NPLOC4: variants seen among roughly 807,000 people sequenced by gnomAD.
NPLOC4 encodes the protein NPL4 homolog, ubiquitin recognition factor.
NPLOC4 carries 18 observed loss-of-function variants against 80.6 expected under a neutral mutation model. The observed-to-expected ratio is 0.22, with a 90% CI of 0.15 to 0.33. NPLOC4 has a LOEUF of 0.33. Ranked by LOEUF, NPLOC4 falls within the 10% of genes least tolerant of loss-of-function variation. The probability of loss-of-function intolerance (pLI) is 1.00; values close to 1 mark genes in which losing one functional copy is unlikely to be tolerated. For synonymous variants in NPLOC4, 313 were observed against 301.5 expected, an observed-to-expected ratio of 1.04 and a Z score of -0.39; for missense variants, 540 against 786.1, an observed-to-expected ratio of 0.69 and a Z score of 3.74.
chr17:81,563,949 T>A, intron 16 of NPLOC4: 4 of 454,506 alleles, frequency 8.8e-6, no homozygotes, highest in South Asian at 6.2e-5. Context: ...GGTGTGGTGG[T>A]ACACATCTGT....
At chr17:81,619,409 C>T (rs1341214182) in intron 3 of NPLOC4, among the ~76,000 whole-genome samples, 3 of 151,260 alleles carry the variant, frequency 2.0e-5, no homozygotes, top group Non-Finnish European at 4.4e-5. Context: ...ATTAGCCGGG[C>T]GTGGTGGCAC....
At chr17:81,622,415 T>G (rs2035693422) in intron 2 of NPLOC4, 137 bp from the exon 3 acceptor site, 2 of 696,846 alleles carry the variant, frequency 2.9e-6, no homozygotes, top group Non-Finnish European at 5.0e-6. Flanking sequence ...CCTCTTGCTA[T>G]TTTGCTCTTT....
chr17:81,613,901 G>A (rs1185064511), intron 3 of NPLOC4, among the ~76,000 whole-genome samples: 1 of 151,918 alleles, frequency 6.6e-6, no homozygotes, highest in Non-Finnish European at 1.5e-5. Context: ...TGCATGTGCT[G>A]GTTGCATGTA....
chr17:81,561,426 C>T (rs1356765647), intron 16 of NPLOC4, among the ~76,000 whole-genome samples: 2 of 152,146 alleles, frequency 1.3e-5, no homozygotes, highest in Non-Finnish European at 2.9e-5. Context: ...TCTAACAGTG[C>T]CCTGTGATGA....
At position 81,622,253 on chromosome 17, in the gene NPLOC4, T is replaced by C; in HGVS notation, c.122A>G (p.Asn41Ser). The C allele has an allele frequency of 6.2e-7, 1 of 1,613,852 alleles. No individual in the cohort carries two copies. ...KKVAKEFGFQNNGFSVYINRN... is the reference protein window; with the variant it reads ...KKVAKEFGFQSNGFSVYINRN... Reference sequence around the variant, plus strand: ...ATTGATGTAAACCGAGAAGCCATTATTTTGGAAGCCAAACTCCTTTGCAAC... The same window carrying C: ...ATTGATGTAAACCGAGAAGCCATTACTTTGGAAGCCAAACTCCTTTGCAAC... The change falls in exon 3 of 17, where the codon AAT (asparagine) becomes AGT (serine). Residue 41 changes from asparagine (N) to serine (S), a missense_variant. Physicochemically the swap from Asn to Ser is conservative, Grantham distance 46. Around this residue, in one of 6 missense-constraint regions of NPLOC4, gnomAD observed 62 missense variants for 84.4 expected, o/e 0.73. Transcript: ENST00000331134.
At chr17:81,563,936 C>T (rs1223905377) in intron 16 of NPLOC4, 2 of 454,528 alleles carry the variant, frequency 4.4e-6, no homozygotes, top group East Asian at 1.4e-4. Flanking sequence ...GATGGCAACG[C>T]CAGGTGTGGT....
intron 13 of NPLOC4, among the ~76,000 whole-genome samples, 196 bp downstream of exon 13, chr17:81,571,821 G>A (rs2034168256): frequency 6.6e-6 from 1 of 152,138 alleles, no homozygotes; most frequent in African/African-American, 2.4e-5. Context: ...CCTTAAAACT[G>A]TGAGCATTTC....
intron 3 of NPLOC4, among the ~76,000 whole-genome samples, chr17:81,615,067 T>C (rs940159680): frequency 1.3e-5 from 2 of 150,576 alleles, no homozygotes; most frequent in Non-Finnish European, 2.9e-5. Flanking sequence ...TGATGAACAT[T>C]ACCAAACATT....
At position 81,559,377 on chromosome 17, in the gene NPLOC4, C is replaced by G. The variant is rs17852305; in HGVS notation, c.1709G>C (p.Gly570Ala). 1.2e-6 allele frequency: 2 copies of G among 1,609,992 alleles called. No individual in the cohort carries two copies. Among genetic ancestry groups the G allele is most frequent in the Non-Finnish European group, 1.7e-6 (2 of 1,178,438 alleles). Residue 570 changes from glycine to alanine, a missense_variant, in exon 17 of 17, where the codon GGC becomes GCC. Coordinates refer to ENST00000331134, the MANE Select transcript of NPLOC4 (RefSeq NM_017921.4). The stretch of plus-strand genomic sequence containing the variant: ...CGTGTGTGTGGAGCCCCCGACGGCG[C>G]CGTACTCATGGAGACCTGGGAGCTG... ...GGQLPGLHEY[G>A]AVGGSTHTAT...
At chr17:81,624,787 C>G (rs7219915) in intron 2 of NPLOC4, among the ~76,000 whole-genome samples, 1 of 151,926 alleles carries the variant, frequency 6.6e-6, no homozygotes, top group Non-Finnish European at 1.5e-5. Flanking sequence ...TGGGTAAGCC[C>G]GCCACACGCG....
At chr17:81,574,233 T>C (rs1203360891) in intron 12 of NPLOC4, among the ~76,000 whole-genome samples, 1 of 152,254 alleles carries the variant, frequency 6.6e-6, no homozygotes, top group Non-Finnish European at 1.5e-5. Flanking sequence ...TTCCAGCACC[T>C]GTTCACTTTA....
intron 1 of NPLOC4, 56 bp downstream of exon 1, chr17:81,636,860 G>C: frequency 7.2e-7 from 1 of 1,387,316 alleles, no homozygotes; most frequent in East Asian, 3.1e-5. Flanking sequence ...GGCCGAGGCC[G>C]GCAAATCTGC....
rs1311790103 is a variant in NPLOC4 at position 81,580,955 on chromosome 17, A to G, written c.1281+7989T>C. 6.6e-6 allele frequency among the ~76,000 whole-genome samples: 1 copy of G among 152,136 alleles called. No homozygotes were observed. The highest frequency in any genetic ancestry group is 1.9e-4 in the East Asian group (1 of 5,188). On this transcript the variant is annotated intron_variant, in intron 12 of 16. Coordinates refer to ENST00000331134, the MANE Select transcript of NPLOC4 (RefSeq NM_017921.4). This position sits in a 1 kb window ranked among gnomAD's most constrained non-coding sequence, Gnocchi z 4.4. ...GCTGGGGGCCTGGGAGAGACATGGC[A>G]TGGAAGTACAAAATCCCCAGTGGCC...
Position 81,597,652 on chromosome 17 carries a change from G to A in NPLOC4, c.922-336C>T, listed in dbSNP as rs568566379. Among the ~76,000 whole-genome samples the A allele has an allele frequency of 1.1e-3, 172 of 151,950 alleles. 1 individual carries two copies. Among genetic ancestry groups the A allele is most frequent in the Non-Finnish European group, 1.9e-3 (131 of 67,950 alleles). ...ATACAAAATTAGTTGGGGTGGTGGC[G>A]CATGCCTGTAATCCCAGCTACTCAG... On this transcript the variant is annotated intron_variant, in intron 9 of 16. Transcript: ENST00000331134.
At position 81,593,097 on chromosome 17, in the gene NPLOC4, C is replaced by T. The variant is rs149513129; in HGVS notation, c.1120+3019G>A. ...CATATCCCACAAGACTCTGAATGCC[C>T]GCTACACACTTGTGTAGGCAAAAAC... On this transcript the variant is annotated intron_variant, in intron 11 of 16. Transcript: ENST00000331134. Among the ~76,000 whole-genome samples, 147 of 152,288 alleles carry T rather than the reference C, an allele frequency of 9.7e-4. 1 individual carries two copies. Among genetic ancestry groups the T allele is most frequent in the African/African-American group, 3.2e-3 (132 of 41,556 alleles).
In NPLOC4 at chr17:81,597,236, C is replaced by A; in HGVS notation, c.993+9G>T. ...TAGGGCCACACGCACAGTCCTGTCT[C>A]CACCTCACCTTATTTCGACTGTAGC... On this transcript the variant is annotated intron_variant, in intron 10 of 16. Coordinates refer to ENST00000331134, the MANE Select transcript of NPLOC4 (RefSeq NM_017921.4). 6.2e-7 allele frequency: 1 copy of A among 1,611,604 alleles called. No individual in the cohort carries two copies. The highest frequency in any genetic ancestry group is 8.5e-7 in the Non-Finnish European group (1 of 1,177,706).
intron 1 of NPLOC4, among the ~76,000 whole-genome samples, chr17:81,632,564 T>C (rs1008781283): frequency 6.6e-6 from 1 of 152,142 alleles, no homozygotes; most frequent in Non-Finnish European, 1.5e-5. Context: ...TCCACCCACC[T>C]GGGCCTCCCA....
At chr17:81,594,923 C>T (rs2034856959) in intron 11 of NPLOC4, among the ~76,000 whole-genome samples, 1 of 151,324 alleles carries the variant, frequency 6.6e-6, no homozygotes, top group Non-Finnish European at 1.5e-5. Context: ...GCCTGGGTGA[C>T]AGAGCAAGAA....
intron 12 of NPLOC4, among the ~76,000 whole-genome samples, chr17:81,574,878 C>CAA (rs1191579560): frequency 5.3e-5 from 5 of 94,292 alleles, no homozygotes; most frequent in Admixed American, 1.3e-4. Flanking sequence ...AACAAACAAA[C>CAA]ACACACACAC....
Sources: gnomAD v4.1 joint callset for allele counts (sites outside exome capture counted in the v4.1 genomes callset) on GRCh38, gnomAD v4.1.1 for gene constraint, gnomAD v4.1.1 regional missense constraint, Gnocchi (gnomAD v3.1) non-coding constraint, MANE v1.5 for transcripts, NCBI Gene and HGNC (gene_info 2026-07-23, HGNC 2026-07-21) for gene names.